Variants in CNTNAP2 observed in about 807,000 individuals in gnomAD.
CNTNAP2 encodes contactin associated protein 2.
CNTNAP2 carries 98 observed loss-of-function variants against 155.2 expected under a neutral mutation model. The observed-to-expected ratio is 0.63, with a 90% CI of 0.54 to 0.75. The LOEUF is 0.75. Ranked by LOEUF, CNTNAP2 falls within the 30% of genes least tolerant of loss-of-function variation. CNTNAP2 has a pLI of 0.00. For synonymous variants in CNTNAP2, 651 were observed against 631.2 expected, an observed-to-expected ratio of 1.03 and a Z score of -0.47; for missense variants, 1,727 against 1,688.1, an observed-to-expected ratio of 1.02 and a Z score of -0.40.
At chr7:146,399,155 C>T (rs1795678107) in intron 1 of CNTNAP2, among the ~76,000 whole-genome samples, 1 of 152,100 alleles carries the variant, frequency 6.6e-6, no homozygotes, top group Admixed American at 6.6e-5. Flanking sequence ...AGCTAATTGT[C>T]ATATGCATTA....
intron 1 of CNTNAP2, among the ~76,000 whole-genome samples, chr7:146,555,101 C>T (rs182998298): frequency 2.0e-5 from 3 of 152,318 alleles, no homozygotes; most frequent in Non-Finnish European, 2.9e-5. Flanking sequence ...TCCTCTATTG[C>T]TCAGCAGGCA....
At chr7:147,726,821 A>G (rs533448695) in intron 13 of CNTNAP2, among the ~76,000 whole-genome samples, 1 of 152,138 alleles carries the variant, frequency 6.6e-6, no homozygotes, top group Admixed American at 6.6e-5. Flanking sequence ...TTATTTTCAC[A>G]TTGAAAATCG....
At chr7:148,112,448 T>A (rs2116599704) in intron 15 of CNTNAP2, among the ~76,000 whole-genome samples, 1 of 151,680 alleles carries the variant, frequency 6.6e-6, no homozygotes, top group African/African-American at 2.4e-5. Context: ...ATTATTATAG[T>A]GTCTTACTGT....
At chr7:147,033,168 A>G (rs1352520004) in intron 3 of CNTNAP2, among the ~76,000 whole-genome samples, 22 of 41,950 alleles carry the variant, frequency 5.2e-4, no homozygotes, top group African/African-American at 1.6e-3. Flanking sequence ...ATGTATATAT[A>G]TATATATATA....
chr7:147,046,519 G>T (rs74927169), intron 4 of CNTNAP2, among the ~76,000 whole-genome samples: 1 of 151,998 alleles, frequency 6.6e-6, no homozygotes, highest in Non-Finnish European at 1.5e-5. Context: ...GCTGATGAAC[G>T]TTTGAGTTGT....
intron 1 of CNTNAP2, among the ~76,000 whole-genome samples, chr7:146,717,587 C>A (rs1801213348): frequency 6.6e-6 from 1 of 151,950 alleles, no homozygotes; most frequent in African/African-American, 2.4e-5. Flanking sequence ...AAAGGCATTC[C>A]ATTCCTGTTT....
intron 1 of CNTNAP2, among the ~76,000 whole-genome samples, chr7:146,697,657 C>T (rs12530645): frequency 0.84 from 127,296 of 152,188 alleles, 53,910 homozygotes; most frequent in South Asian, 0.93. Context: ...TCCATCCCTT[C>T]ATCTTAATTT....
chr7:148,212,273 T>C (rs1229371513), intron 18 of CNTNAP2, among the ~76,000 whole-genome samples: 1 of 152,114 alleles, frequency 6.6e-6, no homozygotes, highest in Non-Finnish European at 1.5e-5. Flanking sequence ...TTTTCCTCAA[T>C]CAGGGATAAT....
chr7:148,135,353 A>C (rs538128062), intron 16 of CNTNAP2, among the ~76,000 whole-genome samples: 1 of 152,218 alleles, frequency 6.6e-6, no homozygotes, highest in Non-Finnish European at 1.5e-5. Flanking sequence ...CAAGCATTCC[A>C]TTTAACCCAC....
At chr7:147,299,485 A>G (rs934228421) in intron 8 of CNTNAP2, among the ~76,000 whole-genome samples, 18 of 151,848 alleles carry the variant, frequency 1.2e-4, no homozygotes, top group African/African-American at 4.3e-4. Flanking sequence ...TTATTTGTAA[A>G]TGTTCAGATA....
chr7:146,762,374 G>C lies in CNTNAP2; in HGVS notation c.98-11897G>C, dbSNP rs1260118449. 2.0e-5 allele frequency among the ~76,000 whole-genome samples: 3 copies of C among 152,106 alleles called. No individual in the cohort carries two copies. In the East Asian group the frequency reaches 5.8e-4, roughly 29 times the overall value. Reference sequence around the variant, plus strand: ...CCAGCACTTTGGGAGGCCGAGGCGGGAGGATGACAAAGTCAAGAGTTTGAG... The same window carrying C: ...CCAGCACTTTGGGAGGCCGAGGCGGCAGGATGACAAAGTCAAGAGTTTGAG... On this transcript the variant is annotated intron_variant, in intron 1 of 23. Transcript: ENST00000361727.
intron 3 of CNTNAP2, among the ~76,000 whole-genome samples, chr7:147,039,670 A>G: frequency 6.6e-6 from 1 of 152,284 alleles, no homozygotes; most frequent in African/African-American, 2.4e-5. Context: ...AATGATTTAT[A>G]TTCCTCTGAG....
rs57484419 is a variant in CNTNAP2 at position 146,426,185 on chromosome 7, C to CAAAAAAAAAAAAAA, written c.97+309224_97+309237dup. 6.8e-3 allele frequency among the ~76,000 whole-genome samples: 374 copies of CAAAAAAAAAAAAAA among 54,618 alleles called. 34 individuals are homozygous for CAAAAAAAAAAAAAA. The highest frequency in any genetic ancestry group is 0.027 in the African/African-American group (359 of 13,450). The allele number at this position is 54,618 out of a possible 152,430, so 35.8% of individuals were successfully genotyped here. ...TGGGCTACAGAGTGAGACTTCGCCT[C>CAAAAAAAAAAAAAA]AAAAAAAAAAAAAAAAAAAAAAAAA... is the stretch of plus-strand genomic sequence containing the variant. On this transcript the variant is annotated intron_variant, in intron 1 of 23. Transcript: ENST00000361727.
chr7:147,294,528 C>G (rs1279054788), intron 8 of CNTNAP2, among the ~76,000 whole-genome samples: 3 of 152,118 alleles, frequency 2.0e-5, no homozygotes, highest in Non-Finnish European at 2.9e-5. Context: ...GGCTAAGATG[C>G]ATTTTTTAGT....
chr7:146,345,326 A>G (rs1794802516), intron 1 of CNTNAP2, among the ~76,000 whole-genome samples: 1 of 152,112 alleles, frequency 6.6e-6, no homozygotes, highest in Non-Finnish European at 1.5e-5. Context: ...AGGTGAAAGG[A>G]AGAACCCAAA....
At chr7:146,310,462 T>C (rs1335746998) in intron 1 of CNTNAP2, among the ~76,000 whole-genome samples, 1 of 152,144 alleles carries the variant, frequency 6.6e-6, no homozygotes, top group East Asian at 1.9e-4. Flanking sequence ...ATTTTCCTCT[T>C]ATTTGAAAAG....
intron 1 of CNTNAP2, among the ~76,000 whole-genome samples, chr7:146,724,259 G>A (rs748600728): frequency 8.5e-5 from 13 of 152,134 alleles, no homozygotes; most frequent in Non-Finnish European, 1.6e-4. Context: ...AAATGAAGTA[G>A]TACATTGTAA....
chr7:147,785,156 G>T (rs1210661143), intron 13 of CNTNAP2, among the ~76,000 whole-genome samples: 5 of 152,184 alleles, frequency 3.3e-5, no homozygotes, highest in Admixed American at 2.6e-4. Flanking sequence ...GGTTGTCTAT[G>T]TACAGTTGAT....
chr7:146,971,252 A>G (rs191570452), intron 3 of CNTNAP2, among the ~76,000 whole-genome samples: 2 of 152,234 alleles, frequency 1.3e-5, no homozygotes, highest in African/African-American at 2.4e-5. Context: ...TCCCTAAAAT[A>G]TTATTGTACA....
Sources: allele counts gnomAD v4.1 joint callset (sites outside exome capture counted in the v4.1 genomes callset), GRCh38; gene constraint gnomAD v4.1.1; transcripts MANE v1.5; gene names NCBI Gene and HGNC (gene_info 2026-07-23, HGNC 2026-07-21).